MN1: variants seen among roughly 807,000 people sequenced by gnomAD.
MN1 encodes MN1 proto-oncogene, transcriptional regulator.
Under a neutral mutation model 86.9 loss-of-function variants are expected in MN1, and 19 were observed. The ratio of observed to expected loss-of-function variants is 0.22; its 90% confidence interval spans 0.15 to 0.32. MN1 has a LOEUF of 0.32. Among genes scored for constraint, MN1 ranks in the 10% least tolerant of loss-of-function variants. The pLI is 1.00. For synonymous variants in MN1, 928 were observed against 849.6 expected, an observed-to-expected ratio of 1.09 and a Z score of -1.60; for missense variants, 1,841 against 1,862.0, an observed-to-expected ratio of 0.99 and a Z score of 0.21.
chr22:27,782,626 C>CAT (rs974537865), intron 1 of MN1, among the ~76,000 whole-genome samples: 8 of 152,266 alleles, frequency 5.3e-5, no homozygotes, highest in Non-Finnish European at 1.2e-4. Flanking sequence ...AGTATCAACT[C>CAT]ATATATATAT....
At chr22:27,762,578 C>G (rs1247654397) in intron 1 of MN1, among the ~76,000 whole-genome samples, 4 of 152,126 alleles carry the variant, frequency 2.6e-5, no homozygotes, top group Non-Finnish European at 5.9e-5. Flanking sequence ...AGCCCTCCCC[C>G]TCTCTGTTTT....
chr22:27,799,956 G>T lies in MN1; in HGVS notation c.588C>A (p.Ser196Arg). Reference sequence around the variant, plus strand: ...CGTGGAAGGAGGCGGCTCGGTTAGGGCTCTGGTCCAGCGGCAGGCATGGGG... The same window carrying T: ...CGTGGAAGGAGGCGGCTCGGTTAGGTCTCTGGTCCAGCGGCAGGCATGGGG... The part of the protein sequence containing the change: ...VPAPCLPLDQ[S>R]PNRAASFHGL... The change falls in exon 1 of 2, where the codon AGC becomes AGA. Residue 196 changes from serine to arginine, a missense_variant. Transcript: ENST00000302326. 6.2e-7 allele frequency: 1 copy of T among 1,603,468 alleles called. No individual in the cohort carries two copies.
chr22:27,799,455 C>T lies in MN1; in HGVS notation c.1089G>A (p.Pro363=), dbSNP rs541347800. The change falls in exon 1 of 2, where the codon CCG becomes CCA. Residue 363 remains proline, a synonymous_variant. Transcript: ENST00000302326. ...TTTGTCGGACTAGAAGCCCGGGTGGCGGCGGCGGCTGCTGCTGTGGCGGCT... is the reference window on the plus strand; with the variant it reads ...TTTGTCGGACTAGAAGCCCGGGTGGTGGCGGCGGCTGCTGCTGTGGCGGCT... ...PQQPPQQQPP[P]PPGLLVRQNS... The T allele has an allele frequency of 8.1e-5, 118 of 1,449,854 alleles. No individual in the cohort carries two copies. The highest frequency in any genetic ancestry group is 5.8e-4 in the Admixed American group (20 of 34,682). 89.8% of individuals were successfully genotyped at this position (1,449,854 alleles called of 1,614,324 possible).
At position 27,759,056 on chromosome 22, in the gene MN1, G is replaced by A. The variant is rs561131483; in HGVS notation, c.3782-7960C>T. Among the ~76,000 whole-genome samples the A allele has an allele frequency of 2.6e-5, 4 of 152,248 alleles. No individual in the cohort carries two copies. In the South Asian group the frequency reaches 8.3e-4, roughly 32 times the overall value. ...TTGCCCAAGCTGGTCTCGAACTCGT[G>A]AGCTCAAGCAATCCACCTGCCTTGG... On this transcript the variant is annotated intron_variant, in intron 1 of 1. Transcript: ENST00000302326.
rs1601343429 is a variant in MN1 at position 27,796,772 on chromosome 22, T to C, written c.3772A>G (p.Ser1258Gly). The change falls in exon 1 of 2, where the codon AGC becomes GGC. Residue 1258 changes from serine (S) to glycine (G), a missense_variant. Coordinates refer to ENST00000302326, the MANE Select transcript of MN1 (RefSeq NM_002430.3). ...WEKAKPQNPN[S>G]KEAHDLPANK... ...ACGAGTGTGCATATACCTTCTTTGC[T>C]GTTGGGGTTCTGGGGTTTGGCCTTC... The C allele has an allele frequency of 6.3e-7, 1 of 1,597,838 alleles. No individual in the cohort carries two copies. Among genetic ancestry groups the C allele is most frequent in the Non-Finnish European group, 8.5e-7 (1 of 1,175,158 alleles).
At chr22:27,769,888 G>T (rs1313080727) in intron 1 of MN1, among the ~76,000 whole-genome samples, 3 of 151,850 alleles carry the variant, frequency 2.0e-5, no homozygotes, top group Non-Finnish European at 4.4e-5. Flanking sequence ...TCTGCTATGT[G>T]GCCAGCCCCA....
chr22:27,756,426 C>T (rs1255246300), intron 1 of MN1, among the ~76,000 whole-genome samples: 5 of 152,080 alleles, frequency 3.3e-5, no homozygotes, highest in African/African-American at 7.2e-5. Flanking sequence ...AGGGCTGCCT[C>T]GGTGGTTCTC....
In MN1 at chr22:27,762,066, C is replaced by A. The variant is rs45557338; in HGVS notation, c.3782-10970G>T. On this transcript the variant is annotated intron_variant, in intron 1 of 1. Coordinates refer to ENST00000302326, the MANE Select transcript of MN1 (RefSeq NM_002430.3). ...GACAGAGTGGGCTCCTCGCACCAGG[C>A]CTGGGCATCTCTGATTGGGCTCCCT... Among the ~76,000 whole-genome samples the A allele has an allele frequency of 3.5e-3, 535 of 152,276 alleles. 20 individuals are homozygous for A. In the East Asian group the frequency reaches 0.085, roughly 24 times the overall value.
chr22:27,770,296 C>T lies in MN1; in HGVS notation c.3782-19200G>A, dbSNP rs141239372. 4.8e-3 allele frequency among the ~76,000 whole-genome samples: 738 copies of T among 152,366 alleles called. 2 individuals are homozygous for T. Among genetic ancestry groups the T allele is most frequent in the African/African-American group, 0.017 (701 of 41,582 alleles). ...AGAGATTCTTGTCACCCCAGAGTCA[C>T]AGTCCATAGACAGTTGGCGGTTTGA... On this transcript the variant is annotated intron_variant, in intron 1 of 1. Transcript: ENST00000302326.
intron 1 of MN1, among the ~76,000 whole-genome samples, chr22:27,796,046 C>T (rs918286929): frequency 1.3e-5 from 2 of 152,090 alleles, no homozygotes; most frequent in African/African-American, 2.4e-5. Flanking sequence ...AAGCCGACCC[C>T]ACCCCAGCAC....
chr22:27,777,825 G>A (rs554518489), intron 1 of MN1, among the ~76,000 whole-genome samples: 19 of 150,526 alleles, frequency 1.3e-4, no homozygotes, highest in African/African-American at 3.7e-4. Flanking sequence ...GCAATGAGCC[G>A]AGATCACGCC....
rs1285856303 is a variant in MN1, at chr22:27,772,871, C to T, written c.3782-21775G>A. Among the ~76,000 whole-genome samples the T allele has an allele frequency of 4.0e-5, 6 of 148,840 alleles. No homozygotes were observed. The East Asian group carries it at 8.3e-4, about 21-fold the overall frequency. Reference sequence around the variant, plus strand: ...CCATTGCCATCATCATCATCATCATCATCATCATCATCATAATCAAGCAGT... The same window carrying T: ...CCATTGCCATCATCATCATCATCATTATCATCATCATCATAATCAAGCAGT... On this transcript the variant is annotated intron_variant, in intron 1 of 1. Coordinates refer to ENST00000302326, the MANE Select transcript of MN1 (RefSeq NM_002430.3).
rs757089042 is a variant in MN1 at position 27,797,655 on chromosome 22, C to G, written c.2889G>C (p.Ser963=). The G allele has an allele frequency of 6.2e-7, 1 of 1,602,558 alleles. No individual in the cohort carries two copies. The highest frequency in any genetic ancestry group is 8.5e-7 in the Non-Finnish European group (1 of 1,175,002). The change falls in exon 1 of 2, where the codon TCG becomes TCC. Residue 963 remains serine (S), a synonymous_variant. Coordinates refer to ENST00000302326, the MANE Select transcript of MN1 (RefSeq NM_002430.3). ...VSPGTFFDKY[S]AAPDSGGAPG... is the part of the protein sequence containing the mutation. ...GTGCGCCCCCGCTGTCCGGAGCCGC[C>G]GAGTACTTGTCAAAGAAGGTGCCAG...
Position 27,799,050 on chromosome 22 carries a change from G to A in MN1, c.1494C>T (p.Phe498=). 2 of 1,611,298 alleles carry A rather than the reference G, an allele frequency of 1.2e-6. No individual in the cohort carries two copies. Among genetic ancestry groups the A allele is most frequent in the Non-Finnish European group, 1.7e-6 (2 of 1,178,668 alleles). Residue 498 remains phenylalanine (F), a synonymous_variant, in exon 1 of 2, where the codon TTC becomes TTT. Transcript: ENST00000302326. The stretch of plus-strand genomic sequence containing the variant: ...GGAAGCTGTCGGGCACAGGCGGTGT[G>A]AACTCGCCGGGTAGGCCTGGGTAGG... ...PSAYPGLPGE[F]TPPVPDSFPS... is the part of the protein sequence containing the mutation.
At chr22:27,783,678 G>A (rs973645892) in intron 1 of MN1, among the ~76,000 whole-genome samples, 1 of 152,162 alleles carries the variant, frequency 6.6e-6, no homozygotes. Flanking sequence ...AATGTTGTAG[G>A]GGAGGGGCAC....
At chr22:27,758,579 G>A (rs911923370) in intron 1 of MN1, among the ~76,000 whole-genome samples, 18 of 152,154 alleles carry the variant, frequency 1.2e-4, no homozygotes, top group African/African-American at 2.9e-4. Context: ...AAAACATCAC[G>A]GGGGACTTTG....
intron 1 of MN1, among the ~76,000 whole-genome samples, chr22:27,782,577 C>G (rs772489500): frequency 6.6e-6 from 1 of 152,210 alleles, no homozygotes; most frequent in African/African-American, 2.4e-5. Flanking sequence ...AAATCTGGTG[C>G]TGGCATATAG....
chr22:27,784,203 G>A (rs1043091492), intron 1 of MN1, among the ~76,000 whole-genome samples: 1 of 152,184 alleles, frequency 6.6e-6, no homozygotes, highest in African/African-American at 2.4e-5. Context: ...GCACCTAGGG[G>A]ATCACAGGCA....
At chr22:27,756,371 G>T (rs1004715484) in intron 1 of MN1, among the ~76,000 whole-genome samples, 1 of 152,032 alleles carries the variant, frequency 6.6e-6, no homozygotes, top group Non-Finnish European at 1.5e-5. Flanking sequence ...GTGCTCAGGC[G>T]TCGTGAGCCG....
Sources: allele counts gnomAD v4.1 joint callset (sites outside exome capture counted in the v4.1 genomes callset), GRCh38; gene constraint gnomAD v4.1.1; transcripts MANE v1.5; gene names NCBI Gene and HGNC (gene_info 2026-07-23, HGNC 2026-07-21).